TLK2: variants seen among roughly 807,000 people sequenced by gnomAD.
TLK2 encodes serine/threonine-protein kinase tousled-like 2.
TLK2 carries 6 observed loss-of-function variants against 117.3 expected under a neutral mutation model. That is an observed-to-expected ratio of 0.05 (90% CI 0.03 to 0.10). The LOEUF (loss-of-function observed/expected upper bound fraction) is 0.10. TLK2 is among the 10% of genes least tolerant of loss of function. TLK2 has a pLI of 1.00. For missense variants in TLK2, 299 were observed against 901.2 expected (o/e 0.33, Z 8.56); for synonymous variants, 257 against 316.7 (o/e 0.81, Z 2.00).
At chr17:62,598,930 T>G (rs1297008418) in intron 17 of TLK2, among the ~76,000 whole-genome samples, 1 of 151,996 alleles carries the variant, frequency 6.6e-6, no homozygotes, top group African/African-American at 2.4e-5. Context: ...ATCTATAAAT[T>G]TCAGACATTT....
At chr17:62,535,036 C>T (rs890246543) in intron 6 of TLK2, among the ~76,000 whole-genome samples, 3 of 151,744 alleles carry the variant, frequency 2.0e-5, no homozygotes, top group African/African-American at 4.8e-5. Context: ...TTACAGGTGC[C>T]CACGACCACG....
chr17:62,535,616 A>C (rs935866566), intron 6 of TLK2, among the ~76,000 whole-genome samples: 1 of 151,898 alleles, frequency 6.6e-6, no homozygotes, highest in Non-Finnish European at 1.5e-5. Flanking sequence ...AAAATACAAA[A>C]AAATTAGCCA....
rs1011302196 is a variant in TLK2 at position 62,493,839 on chromosome 17, C to A, written c.81+12633C>A. 4.6e-5 allele frequency among the ~76,000 whole-genome samples: 7 copies of A among 152,096 alleles called. 1 individual carries two copies. In the South Asian group the frequency reaches 1.5e-3, roughly 32 times the overall value. On this transcript the variant is annotated intron_variant, in intron 2 of 21. Transcript: ENST00000346027. ...ATGGCACAACCTTGGCTCACTGCAA[C>A]CTCCGCCTCCTGGGTTCAAGTGATT...
chr17:62,527,042 T>C (rs2076409584), intron 6 of TLK2, among the ~76,000 whole-genome samples: 1 of 152,178 alleles, frequency 6.6e-6, no homozygotes, highest in South Asian at 2.1e-4. Context: ...TCCCTCTCCT[T>C]CATGCCACTG....
At chr17:62,527,951 C>T (rs1402591098) in intron 6 of TLK2, among the ~76,000 whole-genome samples, 7 of 152,086 alleles carry the variant, frequency 4.6e-5, no homozygotes, top group African/African-American at 1.7e-4. Context: ...CCATGTTGGC[C>T]AGGATGGTCT....
intron 1 of TLK2, among the ~76,000 whole-genome samples, chr17:62,472,326 G>A (rs1351217655): frequency 2.6e-5 from 4 of 152,200 alleles, no homozygotes; most frequent in Non-Finnish European, 5.9e-5. Context: ...TTAGTAAGCA[G>A]CGCCTGTCTG....
chr17:62,610,942 C>T (rs1285494148), intron 21 of TLK2, among the ~76,000 whole-genome samples: 1 of 152,154 alleles, frequency 6.6e-6, no homozygotes, highest in African/African-American at 2.4e-5. Context: ...AAGTTTGACA[C>T]CATCTTGGGA....
At chr17:62,487,442 G>A (rs1405158769) in intron 2 of TLK2, among the ~76,000 whole-genome samples, 3 of 150,734 alleles carry the variant, frequency 2.0e-5, no homozygotes, top group Non-Finnish European at 4.4e-5. Flanking sequence ...TTGCTTGAAC[G>A]TGGGAGGCAG....
At chr17:62,597,004 A>T (rs1381023012) in intron 17 of TLK2, among the ~76,000 whole-genome samples, 2 of 151,676 alleles carry the variant, frequency 1.3e-5, no homozygotes, top group African/African-American at 2.4e-5. Context: ...GTTTTTTTTT[A>T]AACATCTTAA....
At chr17:62,536,680 C>T (rs910622199) in intron 7 of TLK2, among the ~76,000 whole-genome samples, 24 of 152,046 alleles carry the variant, frequency 1.6e-4, no homozygotes, top group African/African-American at 5.1e-4. Context: ...ATAGAGTCTC[C>T]GAGTTCCAGC....
At chr17:62,529,642 A>G (rs752859595) in intron 6 of TLK2, among the ~76,000 whole-genome samples, 2 of 152,174 alleles carry the variant, frequency 1.3e-5, no homozygotes, top group African/African-American at 2.4e-5. Context: ...TATGTTTTCT[A>G]TCTTGGGCAA....
chr17:62,496,520 C>A (rs116850820), intron 2 of TLK2, among the ~76,000 whole-genome samples: 3,473 of 152,136 alleles, frequency 0.023, 58 homozygotes, highest in Middle Eastern at 0.037. Flanking sequence ...GAATTTGTCT[C>A]CCATAGTCAA....
rs374963090 is a variant in TLK2, at chr17:62,489,361, C to T, written c.81+8155C>T. Among the ~76,000 whole-genome samples the T allele has an allele frequency of 1.4e-4, 21 of 151,968 alleles. No individual in the cohort carries two copies. The East Asian group carries it at 1.5e-3, about 11-fold the overall frequency. ...GACTAAAGGCACGTGCCACCATGCC[C>T]GGCTAATTTTTCTTTTTTTGTATTT... On this transcript the variant is annotated intron_variant, in intron 2 of 21. Transcript: ENST00000346027.
chr17:62,576,360 G>A (rs2146680561), intron 12 of TLK2, among the ~76,000 whole-genome samples: 1 of 152,190 alleles, frequency 6.6e-6, no homozygotes, highest in East Asian at 1.9e-4. Flanking sequence ...TTATTGTTTT[G>A]CCCTCTAAAA....
rs2147384158 is a variant in TLK2 at position 62,614,394 on chromosome 17, T to C, written c.*1829T>C. The C allele has an allele frequency of 6.6e-6, 1 of 152,278 alleles. No homozygotes were observed. The highest frequency in any genetic ancestry group is 1.9e-4 in the East Asian group (1 of 5,174). The allele number at this position is 152,278 out of a possible 1,614,324, so 9.4% of individuals were successfully genotyped here. On this transcript the variant is annotated 3_prime_UTR_variant, in exon 22 of 22. Coordinates refer to ENST00000346027, the MANE Select transcript of TLK2 (RefSeq NM_006852.6). ...GGGCTTAGCCAGAAATATTTAAAGA[T>C]GTAGTATTCCGGCCTGTGAGTTGTC...
chr17:62,486,898 G>A (rs1340061166), intron 2 of TLK2, among the ~76,000 whole-genome samples: 5 of 152,074 alleles, frequency 3.3e-5, no homozygotes, highest in Non-Finnish European at 7.4e-5. Flanking sequence ...TTATCACATT[G>A]CTCCCACCAG....
At chr17:62,529,622 A>G (rs2076605232) in intron 6 of TLK2, among the ~76,000 whole-genome samples, 1 of 152,208 alleles carries the variant, frequency 6.6e-6, no homozygotes, top group Non-Finnish European at 1.5e-5. Flanking sequence ...TAATACTGTC[A>G]AATTTGCATT....
At chr17:62,579,131 A>G (rs1344212544) in intron 14 of TLK2, among the ~76,000 whole-genome samples, 1 of 152,152 alleles carries the variant, frequency 6.6e-6, no homozygotes, top group Non-Finnish European at 1.5e-5. Flanking sequence ...TGGACCCTGA[A>G]ACATTTTTTC....
intron 11 of TLK2, among the ~76,000 whole-genome samples, chr17:62,569,717 G>A (rs575146430): frequency 2.6e-5 from 4 of 151,958 alleles, no homozygotes; most frequent in Non-Finnish European, 5.9e-5. Context: ...GTGAGCCACC[G>A]CGCCCGGCCA....
Sources: gnomAD v4.1 joint callset for allele counts (sites outside exome capture counted in the v4.1 genomes callset) on GRCh38, gnomAD v4.1.1 for gene constraint, MANE v1.5 for transcripts, NCBI Gene and HGNC (gene_info 2026-07-23, HGNC 2026-07-21) for gene names.